PRSS57: variants seen among roughly 807,000 people sequenced by gnomAD.
PRSS57 encodes the protein serine protease 57.
Under a neutral mutation model 20.6 loss-of-function variants are expected in PRSS57, and 19 were observed. The ratio of observed to expected loss-of-function variants is 0.92; its 90% CI spans 0.64 to 1.35. PRSS57 has a LOEUF of 1.35. PRSS57 is among the 40% of genes most tolerant of loss of function. The pLI, the probability that PRSS57 is intolerant of heterozygous loss-of-function variation, is 0.00. For synonymous variants in PRSS57, 203 were observed against 176.6 expected, an observed-to-expected ratio of 1.15 and a Z score of -1.19; for missense variants, 440 against 403.7, an observed-to-expected ratio of 1.09 and a Z score of -0.77.
At position 687,033 on chromosome 19, in the gene PRSS57, C is replaced by T. The variant is rs2031496291; in HGVS notation, c.534G>A (p.Lys178=). 5 of 1,614,124 alleles carry T rather than the reference C, an allele frequency of 3.1e-6. No individual in the cohort carries two copies. The highest frequency in any genetic ancestry group is 4.2e-6 in the Non-Finnish European group (5 of 1,180,044). Reference sequence around the variant, plus strand: ...AGACGTCCGGGTCCAGCACTCGGACCTTGGCCTCCATCAGTCCAGGCGGCA... The same window carrying T: ...AGACGTCCGGGTCCAGCACTCGGACTTTGGCCTCCATCAGTCCAGGCGGCA... ...EELPPGLMEA[K]VRVLDPDVCN... is the part of the protein sequence containing the mutation. The change falls in exon 4 of 5, where the codon AAG becomes AAA. Residue 178 remains lysine (K), a synonymous_variant. Coordinates refer to ENST00000329267, the MANE Select transcript of PRSS57 (RefSeq NM_001308209.2).
chr19:694,920 A>C lies in PRSS57; in HGVS notation c.127T>G (p.Ser43Ala), dbSNP rs902783997. The change falls in exon 2 of 5, where the codon TCC becomes GCC. Residue 43 changes from serine to alanine, a missense_variant. Ser to Ala is a moderately conservative substitution (Grantham distance 99). Transcript: ENST00000329267. ...IIGGHEVTPH[S>A]RPYMASVRFG... ...CGCACGGATGCCATGTAGGGCCTGG[A>C]GTGGGGGGTCACCTCGTGGCCCCCG... is the stretch of plus-strand genomic sequence containing the variant. 2 of 1,592,348 alleles carry C rather than the reference A, an allele frequency of 1.3e-6. No individual in the cohort carries two copies. The highest frequency in any genetic ancestry group is 1.7e-6 in the Non-Finnish European group (2 of 1,169,376).
chr19:695,404 T>C lies in PRSS57; in HGVS notation c.27A>G (p.Gly9=). The change falls in exon 1 of 5, where the codon GGA becomes GGG. Residue 9 remains glycine (G), a synonymous_variant. Coordinates refer to ENST00000329267, the MANE Select transcript of PRSS57 (RefSeq NM_001308209.2). ...CGGTGGCCACAGTCAGCAGAGGACGTCCCCAGCCCCTCAACCCGAGCCCCA... is the reference window on the plus strand; with the variant it reads ...CGGTGGCCACAGTCAGCAGAGGACGCCCCCAGCCCCTCAACCCGAGCCCCA... MGLGLRGW[G]RPLLTVATAL... The C allele has an allele frequency of 9.4e-6, 12 of 1,275,934 alleles. No individual in the cohort carries two copies. Among genetic ancestry groups the C allele is most frequent in the Non-Finnish European group, 1.2e-5 (12 of 1,005,412 alleles). 79.0% of individuals were successfully genotyped at this position (1,275,934 alleles called of 1,614,324 possible). A position where few individuals can be genotyped will look rare whatever the true frequency, so the allele number is the denominator to read the frequency against.
chr19:694,327 G>A (rs1174981143), intron 2 of PRSS57, among the ~76,000 whole-genome samples: 1 of 151,916 alleles, frequency 6.6e-6, no homozygotes, highest in African/African-American at 2.4e-5. Context: ...CAGCACTTTG[G>A]GAGGCAGAGG....
chr19:689,149 T>C (rs374565750), intron 3 of PRSS57, among the ~76,000 whole-genome samples: 15,244 of 87,606 alleles, frequency 0.17, 1,151 homozygotes, highest in African/African-American at 0.22. Context: ...ACGACGGTGC[T>C]AGAAGGGTGG....
At chr19:688,996 C>T (rs1450655213) in intron 3 of PRSS57, among the ~76,000 whole-genome samples, 2 of 152,114 alleles carry the variant, frequency 1.3e-5, no homozygotes, top group African/African-American at 2.4e-5. Flanking sequence ...TGCTGTGTGC[C>T]ATAAATGGCC....
chr19:695,083 C>T (rs996420077), intron 1 of PRSS57, 116 bp from the exon 2 acceptor site: 9 of 1,029,308 alleles, frequency 8.7e-6, no homozygotes, highest in African/African-American at 5.0e-5. Flanking sequence ...AGATTAGAGA[C>T]GGAGAGACCC....
chr19:692,428 T>TTTTTTC (rs1555684712), intron 2 of PRSS57, among the ~76,000 whole-genome samples: 46,626 of 127,902 alleles, frequency 0.36, 9,340 homozygotes, highest in Non-Finnish European at 0.43. Flanking sequence ...TCCTTTTTTC[T>TTTTTTC]TTTTTTTTTT....
At chr19:692,046 C>T (rs1447975020) in intron 2 of PRSS57, 44 bp from the exon 3 acceptor site, 13 of 1,277,728 alleles carry the variant, frequency 1.0e-5, no homozygotes, top group South Asian at 3.4e-5. Flanking sequence ...GAGGGCTGCC[C>T]GTCCTGGGCC....
chr19:690,087 C>T (rs1194884994), intron 3 of PRSS57, among the ~76,000 whole-genome samples: 2 of 149,440 alleles, frequency 1.3e-5, no homozygotes, highest in Non-Finnish European at 1.5e-5. Flanking sequence ...CAGAGGTGGG[C>T]GGATCACGAG....
chr19:686,163 G>A (rs2031469749), intron 4 of PRSS57, among the ~76,000 whole-genome samples: 2 of 152,052 alleles, frequency 1.3e-5, no homozygotes, highest in African/African-American at 2.4e-5. Context: ...CCTGCCCTGC[G>A]CTGGATGCTG....
At chr19:695,193 G>A (rs563865193) in intron 1 of PRSS57, among the ~76,000 whole-genome samples, 159 bp downstream of exon 1, 7 of 152,256 alleles carry the variant, frequency 4.6e-5, no homozygotes, top group African/African-American at 1.7e-4. Context: ...GACCCCGGCC[G>A]GATTTCCATC....
At position 687,183 on chromosome 19, in the gene PRSS57, G is replaced by T. The variant is rs529103659; in HGVS notation, c.384C>A (p.Asn128Lys). The T allele has an allele frequency of 6.5e-7, 1 of 1,537,690 alleles. No homozygotes were observed. The change falls in exon 4 of 5, where the codon AAC becomes AAA. Residue 128 changes from asparagine to lysine, a missense_variant. Coordinates refer to ENST00000329267, the MANE Select transcript of PRSS57 (RefSeq NM_001308209.2). ...CTGCAGGGCCCAGGACAGCAGAGCC[G>T]TTCAGCTGCAGGGAGAGCATGAGTT... ...HANDICLLRLNGSAVLGPAVG... is the reference protein window; with the variant it reads ...HANDICLLRLKGSAVLGPAVG...
At position 685,578 on chromosome 19, in the gene PRSS57, C is replaced by G; in HGVS notation, c.*138G>C. On this transcript the variant is annotated 3_prime_UTR_variant, in exon 5 of 5. Transcript: ENST00000329267. ...AACATTTTACTGGGTTTGCTTCTGCCCTTTGCATGTGGAATGGGTGTGCCC... is the reference window on the plus strand; with the variant it reads ...AACATTTTACTGGGTTTGCTTCTGCGCTTTGCATGTGGAATGGGTGTGCCC... 2 of 799,734 alleles carry G rather than the reference C, an allele frequency of 2.5e-6. No homozygotes were observed. Among genetic ancestry groups the G allele is most frequent in the Non-Finnish European group, 3.8e-6 (2 of 521,018 alleles). 49.5% of individuals were successfully genotyped at this position (799,734 alleles called of 1,614,324 possible). A position where few individuals can be genotyped will look rare whatever the true frequency, so the allele number is the denominator to read the frequency against.
chr19:689,360 G>A (rs2031574689), intron 3 of PRSS57, among the ~76,000 whole-genome samples: 1 of 152,052 alleles, frequency 6.6e-6, no homozygotes, highest in African/African-American at 2.4e-5. Context: ...TAACATTTGA[G>A]CAAAGACTTG....
At chr19:693,167 G>A (rs556543504) in intron 2 of PRSS57, among the ~76,000 whole-genome samples, 9 of 149,878 alleles carry the variant, frequency 6.0e-5, no homozygotes, top group African/African-American at 2.2e-4. Context: ...TCCTGACCTC[G>A]TGATCCGCCT....
rs2031662891 is a variant in PRSS57 at position 691,982 on chromosome 19, A to T, written c.254T>A (p.Val85Glu). The change falls in exon 3 of 5, where the codon GTG (valine) becomes GAG (glutamate). Residue 85 changes from valine to glutamate, a missense_variant. Val to Glu is a moderately radical substitution (Grantham distance 121). Coordinates refer to ENST00000329267, the MANE Select transcript of PRSS57 (RefSeq NM_001308209.2). ...ACTCAGGACGTGGGCGCCCAGCACCACCAGGCCAGTGCGGAGGTCTCTGCA... is the reference window on the plus strand; with the variant it reads ...ACTCAGGACGTGGGCGCCCAGCACCTCCAGGCCAGTGCGGAGGTCTCTGCA... ...FSHRDLRTGL[V>E]VLGAHVLSTA... 2 of 1,325,788 alleles carry T rather than the reference A, an allele frequency of 1.5e-6. No homozygotes were observed. The highest frequency in any genetic ancestry group is 5.5e-5 in the South Asian group (2 of 36,240). 82.1% of individuals were successfully genotyped at this position (1,325,788 alleles called of 1,614,324 possible). A position where few individuals can be genotyped will look rare whatever the true frequency, so the allele number is the denominator to read the frequency against.
chr19:695,134 G>A (rs966460101), intron 1 of PRSS57, among the ~76,000 whole-genome samples, 167 bp from the exon 2 acceptor site: 3 of 152,142 alleles, frequency 2.0e-5, no homozygotes, highest in Admixed American at 6.5e-5. Context: ...CCCCAGATGC[G>A]CTGGGAGGGG....
Position 687,182 on chromosome 19 carries a change from C to A in PRSS57, c.385G>T (p.Gly129Cys). 1 of 1,538,758 alleles carries A rather than the reference C, an allele frequency of 6.5e-7. No homozygotes were observed. The highest frequency in any genetic ancestry group is 2.0e-5 in the Admixed American group (1 of 49,992). ...ACTGCAGGGCCCAGGACAGCAGAGC[C>A]GTTCAGCTGCAGGGAGAGCATGAGT... is the stretch of plus-strand genomic sequence containing the variant. ...ANDICLLRLN[G>C]SAVLGPAVGL... Residue 129 changes from glycine to cysteine, a missense_variant, in exon 4 of 5, where the codon GGC becomes TGC. Gly to Cys is a radical substitution (Grantham distance 159). Transcript: ENST00000329267.
Position 687,107 on chromosome 19 carries a change from T to C in PRSS57, c.460A>G (p.Thr154Ala), listed in dbSNP as rs144018842. ...CCCCAGCCAGCCACCCGGCACCGTG[T>C]CCCCGCTGTGGGGGGCCTGGCCCTT... ...GRRARPPTAG[T>A]RCRVAGWGFV... The change falls in exon 4 of 5, where the codon ACA becomes GCA. Residue 154 changes from threonine (T) to alanine (A), a missense_variant. Physicochemically the swap from Thr to Ala is moderately conservative, Grantham distance 58. Transcript: ENST00000329267. 49 of 1,612,886 alleles carry C rather than the reference T, an allele frequency of 3.0e-5. No homozygotes were observed. The African/African-American group carries it at 6.0e-4, about 20-fold the overall frequency.
Sources: allele counts gnomAD v4.1 joint callset (sites outside exome capture counted in the v4.1 genomes callset), GRCh38; gene constraint gnomAD v4.1.1; transcripts MANE v1.5; gene names NCBI Gene and HGNC (gene_info 2026-07-23, HGNC 2026-07-21).